The following RGCC variants were observed in gnomAD, a reference collection of about 807,000 sequenced individuals.
The protein encoded by RGCC is regulator of cell cycle RGCC.
Under a neutral mutation model 15.4 loss-of-function variants are expected in RGCC, and 15 were observed. The ratio of observed to expected loss-of-function variants is 0.97; its 90% CI spans 0.65 to 1.50. The LOEUF (loss-of-function observed/expected upper bound fraction) is 1.50. RGCC is among the 40% of genes most tolerant of loss of function. The pLI, the probability that RGCC is intolerant of heterozygous loss-of-function variation, is 0.00. For missense variants in RGCC, 176 were observed against 189.7 expected (o/e 0.93, Z 0.42); for synonymous variants, 81 against 78.0 (o/e 1.04, Z -0.20).
At chr13:41,459,852 A>G (rs958793899) in intron 2 of RGCC, among the ~76,000 whole-genome samples, 6 of 152,234 alleles carry the variant, frequency 3.9e-5, no homozygotes, top group Non-Finnish European at 8.8e-5. Flanking sequence ...CTCGCATGGA[A>G]AAGAAAGCTA....
rs2043799416 is a variant in RGCC at position 41,457,717 on chromosome 13, C to T, written c.10C>T (p.Pro4Ser). The T allele has an allele frequency of 6.8e-7, 1 of 1,477,640 alleles. No homozygotes were observed. Among genetic ancestry groups the T allele is most frequent in the Non-Finnish European group, 9.0e-7 (1 of 1,115,658 alleles). The allele number at this position is 1,477,640 out of a possible 1,614,324, so 91.5% of individuals were successfully genotyped here. A position where few individuals can be genotyped will look rare whatever the true frequency, so the allele number is the denominator to read the frequency against. Reference protein sequence around the residue: MKPPAAQGSPAAAA... With the variant: MKPSAAQGSPAAAA... ...CCAGCTGAGCCGCCTCATGAAGCCGCCCGCGGCGCAGGGCAGCCCCGCGGC... is the reference window on the plus strand; with the variant it reads ...CCAGCTGAGCCGCCTCATGAAGCCGTCCGCGGCGCAGGGCAGCCCCGCGGC... The change falls in exon 1 of 5, where the codon CCC (proline) becomes TCC (serine). Residue 4 changes from proline to serine, a missense_variant. By Grantham distance (74) the Pro-to-Ser change is moderately conservative. Coordinates refer to ENST00000379359, the MANE Select transcript of RGCC (RefSeq NM_014059.3). The surrounding 1 kb of genome is among the most constrained non-coding windows in gnomAD (Gnocchi z 4.9).
At position 41,470,726 on chromosome 13, in the gene RGCC, A is replaced by AT; in HGVS notation, c.*242dup. On this transcript the variant is annotated 3_prime_UTR_variant, in exon 5 of 5. Transcript: ENST00000379359. The stretch of plus-strand genomic sequence containing the variant: ...ATATTAGAACAGACGATCCATGCTA[A>AT]TATTGTATTTTCTCTTAAAACATAG... 2 of 432,238 alleles carry AT rather than the reference A, an allele frequency of 4.6e-6. No individual in the cohort carries two copies. The allele number at this position is 432,238 out of a possible 1,614,324, so 26.8% of individuals were successfully genotyped here.
chr13:41,460,123 A>G (rs2043814158), intron 2 of RGCC, among the ~76,000 whole-genome samples: 1 of 152,176 alleles, frequency 6.6e-6, no homozygotes, highest in East Asian at 1.9e-4. Context: ...TTTGTTGTTA[A>G]CGGACTAACC....
intron 2 of RGCC, among the ~76,000 whole-genome samples, chr13:41,461,774 C>A (rs948979179): frequency 2.6e-5 from 4 of 152,184 alleles, no homozygotes; most frequent in African/African-American, 7.2e-5. Context: ...GAGAGGGGAC[C>A]TTGTGGGCCC....
intron 2 of RGCC, among the ~76,000 whole-genome samples, chr13:41,462,789 C>G (rs1347488177): frequency 2.0e-5 from 3 of 152,114 alleles, no homozygotes; most frequent in Non-Finnish European, 2.9e-5. Context: ...ATCTGTCTTG[C>G]GTGAGATTTT....
rs907926445 is a variant in RGCC at position 41,458,956 on chromosome 13, G to A, written c.235+486G>A. Among the ~76,000 whole-genome samples the A allele has an allele frequency of 2.0e-5, 3 of 152,168 alleles. No homozygotes were observed. Among genetic ancestry groups the A allele is most frequent in the African/African-American group, 7.2e-5 (3 of 41,438 alleles). On this transcript the variant is annotated intron_variant, in intron 2 of 4. Coordinates refer to ENST00000379359, the MANE Select transcript of RGCC (RefSeq NM_014059.3). The surrounding 1 kb of genome is among the most constrained non-coding windows in gnomAD (Gnocchi z 4.4). ...GATTTATGAAATAACTGCTTGCATT[G>A]TCTTCTGGCCCTTAGCTCTCAGACT... is the stretch of plus-strand genomic sequence containing the variant.
chr13:41,463,235 G>A (rs2043830210), intron 2 of RGCC, among the ~76,000 whole-genome samples: 1 of 152,062 alleles, frequency 6.6e-6, no homozygotes, highest in African/African-American at 2.4e-5. Flanking sequence ...TGTAGCTTTG[G>A]GGCCTTGAGG....
intron 2 of RGCC, among the ~76,000 whole-genome samples, chr13:41,466,343 C>T (rs1043909011): frequency 3.9e-5 from 6 of 152,028 alleles, no homozygotes; most frequent in Admixed American, 6.6e-5. Flanking sequence ...TCCCCTGTCT[C>T]GAATCATTTT....
chr13:41,470,628 C>A lies in RGCC; in HGVS notation c.*143C>A. ...TCTACCAGGCCACTCTCAGGCTCAC[C>A]TTAAAATCAGCCCTTGATCCCATTT... On this transcript the variant is annotated 3_prime_UTR_variant, in exon 5 of 5. Transcript: ENST00000379359. The A allele has an allele frequency of 1.2e-6, 1 of 807,032 alleles. No individual in the cohort carries two copies. The highest frequency in any genetic ancestry group is 2.1e-6 in the Non-Finnish European group (1 of 477,282). The allele number at this position is 807,032 out of a possible 1,614,324, so 50.0% of individuals were successfully genotyped here.
At chr13:41,469,289 TAATAATAAGAAGAAGAAG>T (rs1389705845) in intron 4 of RGCC, among the ~76,000 whole-genome samples, 46 of 101,122 alleles carry the variant, frequency 4.5e-4, no homozygotes, top group South Asian at 6.7e-4. Context: ...ATAATAATAA[TAATAATAAGAAGAAGAAG>T]AAGAAGAAGA....
In RGCC at chr13:41,457,554, C is replaced by A; in HGVS notation, c.-154C>A. Reference sequence around the variant, plus strand: ...CTAGGAACCCGAGCCGGTGGTAGGGCGGGCGCGGACCGTGCTGGGAGCGGC... The same window carrying A: ...CTAGGAACCCGAGCCGGTGGTAGGGAGGGCGCGGACCGTGCTGGGAGCGGC... On this transcript the variant is annotated 5_prime_UTR_variant, in exon 1 of 5. Coordinates refer to ENST00000379359, the MANE Select transcript of RGCC (RefSeq NM_014059.3). This position sits in a 1 kb window ranked among gnomAD's most constrained non-coding sequence, Gnocchi z 4.9. 2.4e-6 allele frequency: 3 copies of A among 1,274,482 alleles called. No homozygotes were observed. The highest frequency in any genetic ancestry group is 2.0e-6 in the Non-Finnish European group (2 of 988,578). 78.9% of individuals were successfully genotyped at this position (1,274,482 alleles called of 1,614,324 possible).
In RGCC at chr13:41,458,319, G is replaced by C. The variant is rs748318777; in HGVS notation, c.84G>C (p.Leu28=). ...TGGACTCGGCGGCCGCGGAGGACCT[G>C]TCGGACGCGCTGTGCGAGTTTGACG... ...PALDSAAAED[L]SDALCEFDAV... The change falls in exon 2 of 5, where the codon CTG becomes CTC. Residue 28 remains leucine, a synonymous_variant. Coordinates refer to ENST00000379359, the MANE Select transcript of RGCC (RefSeq NM_014059.3). The surrounding 1 kb of genome is among the most constrained non-coding windows in gnomAD (Gnocchi z 4.4). 3 of 1,584,774 alleles carry C rather than the reference G, an allele frequency of 1.9e-6. No individual in the cohort carries two copies. The Admixed American group carries it at 5.2e-5, about 27-fold the overall frequency.
chr13:41,463,691 G>A (rs2043833515), intron 2 of RGCC, among the ~76,000 whole-genome samples: 1 of 152,098 alleles, frequency 6.6e-6, no homozygotes, highest in African/African-American at 2.4e-5. Flanking sequence ...ACATCAAGAA[G>A]GCATTTAGCC....
rs966409585 is a variant in RGCC, at chr13:41,466,161, ACACT to A, written c.236-660_236-657del. Among the ~76,000 whole-genome samples the A allele has an allele frequency of 9.1e-5, 12 of 132,510 alleles. No individual in the cohort carries two copies. The South Asian group carries it at 9.1e-4, about 10-fold the overall frequency. 86.9% of individuals were successfully genotyped at this position (132,510 alleles called of 152,430 possible). On this transcript the variant is annotated intron_variant, in intron 2 of 4. Coordinates refer to ENST00000379359, the MANE Select transcript of RGCC (RefSeq NM_014059.3). ...ACACACTCCACACTCACACACGCAC[ACACT>A]CTCACACACTTTCTCACACACACAC...
chr13:41,466,737 AT>A (rs767108745), intron 2 of RGCC, 85 bp from the exon 3 acceptor site: 19 of 950,458 alleles, frequency 2.0e-5, no homozygotes, highest in Non-Finnish European at 3.0e-5. Context: ...TTGAAGACAA[AT>A]TGTTGGTTAT....
chr13:41,469,286 T>TAAGAAGAAGAAGAAGAAG (rs1195617232), intron 4 of RGCC, among the ~76,000 whole-genome samples: 1 of 113,990 alleles, frequency 8.8e-6, no homozygotes, highest in African/African-American at 3.4e-5. Context: ...ATAATAATAA[T>TAAGAAGAAGAAGAAGAAG]AATAATAATA....
intron 2 of RGCC, among the ~76,000 whole-genome samples, chr13:41,466,156 C>G (rs561035662): frequency 1.4e-5 from 2 of 140,838 alleles, no homozygotes; most frequent in Admixed American, 7.1e-5. Flanking sequence ...CACTCACACA[C>G]GCACACACTC....
chr13:41,468,591 G>T (rs532729946), intron 3 of RGCC, among the ~76,000 whole-genome samples, 185 bp from the exon 4 acceptor site: 5 of 152,320 alleles, frequency 3.3e-5, no homozygotes, highest in Admixed American at 2.0e-4. Flanking sequence ...CACACTTAGG[G>T]TTGGCCCAGG....
In RGCC at chr13:41,470,589, C is replaced by T. The variant is rs1405392090; in HGVS notation, c.*104C>T. ...AATCTGCTGCCAGAGGGGACAAAGA[C>T]GTGCACTCAACCTTCTACCAGGCCA... On this transcript the variant is annotated 3_prime_UTR_variant, in exon 5 of 5. Transcript: ENST00000379359. 3.4e-5 allele frequency: 39 copies of T among 1,153,728 alleles called. No individual in the cohort carries two copies. The East Asian group carries it at 5.9e-4, about 17-fold the overall frequency. 71.5% of individuals were successfully genotyped at this position (1,153,728 alleles called of 1,614,324 possible).
Sources: gnomAD v4.1 joint callset for allele counts (sites outside exome capture counted in the v4.1 genomes callset) on GRCh38, gnomAD v4.1.1 for gene constraint, Gnocchi (gnomAD v3.1) non-coding constraint, MANE v1.5 for transcripts, NCBI Gene and HGNC (gene_info 2026-07-23, HGNC 2026-07-21) for gene names.